TBCK: variants seen among roughly 807,000 people sequenced by gnomAD.
TBCK encodes the protein TBC1 domain containing kinase.
In TBCK, 99 loss-of-function variants were observed where a neutral mutation model predicts 113.4. The observed-to-expected ratio is 0.87, with a 90% CI of 0.74 to 1.03. TBCK has a LOEUF of 1.03. TBCK is among the 50% of genes least tolerant of loss of function. TBCK has a pLI of 0.00. For missense variants in TBCK, 1,045 were observed against 1,061.3 expected (o/e 0.98, Z 0.21); for synonymous variants, 369 against 370.8 (o/e 1.00, Z 0.05).
intron 23 of TBCK, among the ~76,000 whole-genome samples, chr4:106,139,583 G>C (rs1336013898): frequency 7.1e-6 from 1 of 141,152 alleles, no homozygotes; most frequent in East Asian, 2.0e-4. Flanking sequence ...TCTACAATGT[G>C]TTTAGCTGTG....
chr4:106,143,187 C>G lies in TBCK; in HGVS notation c.2236-26809G>C, dbSNP rs189986270. Among the ~76,000 whole-genome samples the G allele has an allele frequency of 2.5e-3, 388 of 152,198 alleles. 2 individuals carry two copies. The highest frequency in any genetic ancestry group is 4.3e-3 in the Admixed American group (66 of 15,282). ...TCTTCCCCACAACCCACCAAAAAAC[C>G]CCAAATCTTCCTCAATACAATATAT... is the stretch of plus-strand genomic sequence containing the variant. On this transcript the variant is annotated intron_variant, in intron 23 of 25. Coordinates refer to ENST00000394708, the MANE Select transcript of TBCK (RefSeq NM_001163435.3).
intron 3 of TBCK, among the ~76,000 whole-genome samples, chr4:106,268,074 G>A (rs1446027880): frequency 6.6e-6 from 1 of 151,818 alleles, no homozygotes; most frequent in Non-Finnish European, 1.5e-5. Flanking sequence ...CATTCCTGAG[G>A]ACCCACTCTT....
intron 22 of TBCK, among the ~76,000 whole-genome samples, chr4:106,187,239 A>T (rs1408278360): frequency 6.6e-6 from 1 of 151,866 alleles, no homozygotes; most frequent in African/African-American, 2.4e-5. Flanking sequence ...TTGGTTCCAT[A>T]TAAATTTTAG....
intron 25 of TBCK, among the ~76,000 whole-genome samples, chr4:106,057,348 A>G (rs1735550650): frequency 6.6e-6 from 1 of 151,784 alleles, no homozygotes; most frequent in Non-Finnish European, 1.5e-5. Context: ...AAAGAAAGGG[A>G]AGATGCTTAA....
chr4:106,192,134 T>TG (rs1753739975), intron 22 of TBCK, among the ~76,000 whole-genome samples: 1 of 152,070 alleles, frequency 6.6e-6, no homozygotes, highest in African/African-American at 2.4e-5. Context: ...AAATACACAG[T>TG]TGCATGAATT....
intron 23 of TBCK, among the ~76,000 whole-genome samples, chr4:106,127,694 CAA>C (rs1223499964): frequency 6.6e-6 from 1 of 151,752 alleles, no homozygotes; most frequent in Non-Finnish European, 1.5e-5. Context: ...TGTATGTGTT[CAA>C]AAGTCAGAAA....
At chr4:106,278,559 A>AG (rs1491192655) in intron 3 of TBCK, among the ~76,000 whole-genome samples, 7 of 77,748 alleles carry the variant, frequency 9.0e-5, no homozygotes, top group Non-Finnish European at 1.6e-4. Context: ...ACTCTGTCTC[A>AG]AAAAAAAAAA....
At chr4:106,208,285 T>C (rs188696885) in intron 20 of TBCK, among the ~76,000 whole-genome samples, 1 of 152,280 alleles carries the variant, frequency 6.6e-6, no homozygotes. Flanking sequence ...CTACAGAATG[T>C]ATTGAGAACC....
intron 25 of TBCK, among the ~76,000 whole-genome samples, chr4:106,071,842 T>C (rs538685733): frequency 2.0e-5 from 3 of 152,320 alleles, no homozygotes; most frequent in Admixed American, 1.3e-4. Context: ...ATCCCTTTAC[T>C]ATTATGTAAT....
intron 19 of TBCK, among the ~76,000 whole-genome samples, chr4:106,215,827 G>T (rs1440812057): frequency 6.6e-6 from 1 of 151,264 alleles, no homozygotes; most frequent in Non-Finnish European, 1.5e-5. Flanking sequence ...AGTCAACAAG[G>T]ATACCCAGGA....
intron 25 of TBCK, among the ~76,000 whole-genome samples, chr4:106,089,037 C>T (rs1438215850): frequency 6.8e-6 from 1 of 147,188 alleles, no homozygotes; most frequent in African/African-American, 2.5e-5. Flanking sequence ...TACATGTATC[C>T]TTTTTTTTTT....
intron 3 of TBCK, among the ~76,000 whole-genome samples, chr4:106,292,903 C>A (rs1204719818): frequency 6.6e-6 from 1 of 152,166 alleles, no homozygotes; most frequent in Non-Finnish European, 1.5e-5. Flanking sequence ...GCATTCAAAG[C>A]CAAACTGGAA....
rs570646242 is a variant in TBCK at position 106,053,173 on chromosome 4, C to T, written c.2572-6493G>A. On this transcript the variant is annotated intron_variant, in intron 25 of 25. Transcript: ENST00000394708. ...TGAGTCAGGATCCAAACAAGGGCCA[C>T]GCACTGTGACTGACGGACATCTTTT... is the stretch of plus-strand genomic sequence containing the variant. Among the ~76,000 whole-genome samples, 6 of 151,768 alleles carry T rather than the reference C, an allele frequency of 4.0e-5. No homozygotes were observed. In the South Asian group the frequency reaches 6.2e-4, roughly 16 times the overall value.
intron 9 of TBCK, 168 bp downstream of exon 9, chr4:106,248,077 A>T: frequency 2.4e-6 from 1 of 421,168 alleles, no homozygotes. Flanking sequence ...TTTTTCATTA[A>T]TTCACAAAAA....
chr4:106,126,697 A>T (rs917782234), intron 23 of TBCK, among the ~76,000 whole-genome samples: 6 of 152,328 alleles, frequency 3.9e-5, no homozygotes, highest in Non-Finnish European at 5.9e-5. Flanking sequence ...GCAGAGCAGA[A>T]TCAATTCTTA....
intron 19 of TBCK, among the ~76,000 whole-genome samples, chr4:106,225,819 A>G (rs1392757117): frequency 1.3e-5 from 2 of 152,134 alleles, no homozygotes; most frequent in African/African-American, 4.8e-5. Flanking sequence ...CTCTAATTTA[A>G]TAAATTAAAC....
At chr4:106,274,024 T>C (rs1278960800) in intron 3 of TBCK, among the ~76,000 whole-genome samples, 3 of 152,234 alleles carry the variant, frequency 2.0e-5, no homozygotes, top group East Asian at 1.9e-4. Flanking sequence ...GAAGCCATCA[T>C]GAATAACAAG....
chr4:106,178,325 C>T (rs1285112350), intron 22 of TBCK, among the ~76,000 whole-genome samples: 2 of 151,602 alleles, frequency 1.3e-5, no homozygotes, highest in Non-Finnish European at 2.9e-5. Context: ...TTTCTGTTGC[C>T]TAATTGCTCT....
At chr4:106,215,262 T>C (rs1301411669) in intron 19 of TBCK, among the ~76,000 whole-genome samples, 1 of 151,880 alleles carries the variant, frequency 6.6e-6, no homozygotes, top group African/African-American at 2.4e-5. Context: ...TGCAAAATCA[T>C]GCCAAAATGT....
Sources: gnomAD v4.1 joint callset for allele counts (sites outside exome capture counted in the v4.1 genomes callset) on GRCh38, gnomAD v4.1.1 for gene constraint, MANE v1.5 for transcripts, NCBI Gene and HGNC (gene_info 2026-07-23, HGNC 2026-07-21) for gene names.